LYRM9: variants seen among roughly 807,000 people sequenced by gnomAD.
LYRM9 encodes the protein LYR motif-containing protein 9.
In LYRM9, 14 loss-of-function variants were observed where a neutral mutation model predicts 12.6. The observed-to-expected ratio is 1.11, with a 90% CI of 0.73 to 1.73. The LOEUF (loss-of-function observed/expected upper bound fraction) is 1.73, where lower values mean the gene tolerates loss of function less well. Ranked by LOEUF, LYRM9 falls within the 40% of genes most tolerant of loss-of-function variation. The pLI, the probability that LYRM9 is intolerant of heterozygous loss-of-function variation, is 0.00. For synonymous variants in LYRM9, 42 were observed against 35.1 expected (o/e 1.20, Z -0.69); for missense variants, 94 against 95.0 (o/e 0.99, Z 0.04).
intron 2 of LYRM9, 102 bp downstream of exon 2, chr17:27,882,467 C>A: frequency 7.2e-7 from 1 of 1,395,552 alleles, no homozygotes; most frequent in African/African-American, 1.4e-5. Flanking sequence ...CACCTCACCA[C>A]CATCTCAGAG....
In LYRM9 at chr17:27,882,605, C is replaced by T. The variant is rs1329525955; in HGVS notation, c.90G>A (p.Lys30=). Reference sequence around the variant, plus strand: ...CATGCTTGTAATGCTGCTGGATGCCCTTGGTCGGCAGCTGCTGGCAACAGC... The same window carrying T: ...CATGCTTGTAATGCTGCTGGATGCCTTTGGTCGGCAGCTGCTGGCAACAGC... ...LLRCCQQLPT[K]GIQQHYKHAV... Residue 30 remains lysine (K), a synonymous_variant, in exon 2 of 4, where the codon AAG becomes AAA. Coordinates refer to ENST00000379102, the MANE Select transcript of LYRM9 (RefSeq NM_001076680.3). The T allele has an allele frequency of 6.3e-7, 1 of 1,596,910 alleles. No individual in the cohort carries two copies. Among genetic ancestry groups the T allele is most frequent in the Non-Finnish European group, 8.5e-7 (1 of 1,172,702 alleles).
chr17:27,881,237 CAAAAAAAAAAAAAAAAAA>C (rs71135816), intron 2 of LYRM9: 1 of 22,232 alleles, frequency 4.5e-5, no homozygotes, highest in Admixed American at 6.6e-4. Context: ...AACTCCATCT[CAAAAAAAAAAAAAAAAAA>C]AAAAAAAAAA....
chr17:27,887,478 G>C (rs1452410525), intron 1 of LYRM9, among the ~76,000 whole-genome samples: 2 of 152,106 alleles, frequency 1.3e-5, no homozygotes, highest in Non-Finnish European at 2.9e-5. Context: ...TAAAATCCAG[G>C]CTCCTGTCCA....
chr17:27,885,663 G>A (rs1447177962), intron 1 of LYRM9, among the ~76,000 whole-genome samples: 3 of 143,468 alleles, frequency 2.1e-5, no homozygotes, highest in East Asian at 2.0e-4. Flanking sequence ...ATCACACCAC[G>A]GCACTCAGCC....
At chr17:27,883,919 GTA>G (rs987794934) in intron 1 of LYRM9, among the ~76,000 whole-genome samples, 61 of 126,882 alleles carry the variant, frequency 4.8e-4, no homozygotes, top group African/African-American at 1.8e-3. Flanking sequence ...TATACTTAAA[GTA>G]TATAATTTGA....
At chr17:27,884,141 C>T (rs1313309257) in intron 1 of LYRM9, among the ~76,000 whole-genome samples, 1 of 151,766 alleles carries the variant, frequency 6.6e-6, no homozygotes, top group Non-Finnish European at 1.5e-5. Context: ...ACAGAACCCA[C>T]ATTCTTCTCT....
intron 1 of LYRM9, 24 bp from the exon 2 acceptor site, chr17:27,882,736 C>T (rs749826356): frequency 6.4e-7 from 1 of 1,554,454 alleles, no homozygotes; most frequent in East Asian, 2.3e-5. Flanking sequence ...AGGATCACTT[C>T]CAGGGCATCA....
At chr17:27,887,526 C>T (rs1052774503) in intron 1 of LYRM9, among the ~76,000 whole-genome samples, 2 of 152,210 alleles carry the variant, frequency 1.3e-5, no homozygotes, top group Non-Finnish European at 2.9e-5. Flanking sequence ...CCCCTACCTA[C>T]CCCTCATCTG....
intron 1 of LYRM9, among the ~76,000 whole-genome samples, chr17:27,888,258 G>A (rs1905300637): frequency 6.6e-6 from 1 of 152,112 alleles, no homozygotes; most frequent in Non-Finnish European, 1.5e-5. Context: ...CTCCTCCTCA[G>A]TGCCACCATG....
chr17:27,884,828 A>T (rs1905181767), intron 1 of LYRM9, among the ~76,000 whole-genome samples: 1 of 95,578 alleles, frequency 1.0e-5, no homozygotes, highest in Non-Finnish European at 2.4e-5. Flanking sequence ...GGAACATATA[A>T]GAAAAAAAAA....
At chr17:27,892,106 T>G in intron 1 of LYRM9, 2 of 173,794 alleles carry the variant, frequency 1.2e-5, no homozygotes, top group Non-Finnish European at 2.5e-5. Flanking sequence ...TTTTTTTAAT[T>G]ATTTATAGAA....
chr17:27,880,194 G>A (rs1221398961), intron 3 of LYRM9, 80 bp downstream of exon 3: 3 of 1,081,898 alleles, frequency 2.8e-6, no homozygotes, highest in Non-Finnish European at 4.2e-6. Flanking sequence ...CTGTGGGGCA[G>A]GAGTGGCCTC....
chr17:27,882,691 C>T lies in LYRM9; in HGVS notation c.4G>A (p.Ala2Thr). Residue 2 changes from alanine (A) to threonine (T), a missense_variant, in exon 2 of 4, where the codon GCC becomes ACC. Coordinates refer to ENST00000379102, the MANE Select transcript of LYRM9 (RefSeq NM_001076680.3). M[A>T]PLPGAELVRR... Reference sequence around the variant, plus strand: ...ACCAGTTCTGCTCCTGGCAGCGGGGCCATCCGTGAGACCCTCTGTCCCTGG... The same window carrying T: ...ACCAGTTCTGCTCCTGGCAGCGGGGTCATCCGTGAGACCCTCTGTCCCTGG... 6.2e-7 allele frequency: 1 copy of T among 1,600,240 alleles called. No homozygotes were observed. The highest frequency in any genetic ancestry group is 8.5e-7 in the Non-Finnish European group (1 of 1,173,426).
intron 1 of LYRM9, chr17:27,892,803 A>AT: frequency 6.3e-6 from 1 of 158,512 alleles, no homozygotes; most frequent in Non-Finnish European, 1.4e-5. Context: ...TTCGTGAATT[A>AT]TATCTCAATA....
At chr17:27,883,835 TAAAAAAAAAAAAAAAAAAAAA>T (rs781375467) in intron 1 of LYRM9, among the ~76,000 whole-genome samples, 4 of 24,562 alleles carry the variant, frequency 1.6e-4, no homozygotes, top group Admixed American at 1.9e-3. Flanking sequence ...AGCCTTTTTC[TAAAAAAAAAAAAAAAAAAAAA>T]AAAAAAAAAA....
At chr17:27,887,341 AG>A (rs1213358200) in intron 1 of LYRM9, among the ~76,000 whole-genome samples, 2 of 152,236 alleles carry the variant, frequency 1.3e-5, no homozygotes, top group African/African-American at 4.8e-5. Context: ...ACGTTTTCAT[AG>A]GTATTAATGG....
intron 1 of LYRM9, among the ~76,000 whole-genome samples, chr17:27,887,746 G>T (rs1180986327): frequency 6.6e-6 from 1 of 151,406 alleles, no homozygotes; most frequent in Admixed American, 6.6e-5. Flanking sequence ...GTGTGTGTGT[G>T]TGTGTGTGTG....
At chr17:27,882,176 A>G (rs921414303) in intron 2 of LYRM9, among the ~76,000 whole-genome samples, 6 of 152,124 alleles carry the variant, frequency 3.9e-5, no homozygotes, top group Non-Finnish European at 8.8e-5. Flanking sequence ...GTTTCACGAC[A>G]CTGACATTTT....
In LYRM9 at chr17:27,892,665, G is replaced by A. The variant is rs997675456; in HGVS notation, c.-19+652C>T. 2.6e-5 allele frequency: 8 copies of A among 311,578 alleles called. No individual in the cohort carries two copies. The Admixed American group carries it at 3.6e-4, about 14-fold the overall frequency. The allele number at this position is 311,578 out of a possible 1,614,324, so 19.3% of individuals were successfully genotyped here. ...GAGAATGGGAGTAGATGGGAGGGGG[G>A]AGTGACAGCTAAAGGAGGTGTTTCT... On this transcript the variant is annotated intron_variant, in intron 1 of 3. Transcript: ENST00000379102.
Sources: gnomAD v4.1 joint callset for allele counts (sites outside exome capture counted in the v4.1 genomes callset) on GRCh38, gnomAD v4.1.1 for gene constraint, MANE v1.5 for transcripts, NCBI Gene and HGNC (gene_info 2026-07-23, HGNC 2026-07-21) for gene names.